LRRTM4: variants seen among roughly 807,000 people sequenced by gnomAD.
The protein encoded by LRRTM4 is leucine-rich repeat transmembrane neuronal protein 4.
LRRTM4 carries 25 observed loss-of-function variants against 47.6 expected under a neutral mutation model. The ratio of observed to expected loss-of-function variants is 0.53; its 90% CI spans 0.38 to 0.73. The LOEUF is 0.73. Ranked by LOEUF, LRRTM4 falls within the 30% of genes least tolerant of loss-of-function variation. The pLI, the probability that LRRTM4 is intolerant of heterozygous loss-of-function variation, is 0.00. For synonymous variants in LRRTM4, 311 were observed against 269.5 expected (o/e 1.15, Z -1.51); for missense variants, 638 against 713.4 (o/e 0.89, Z 1.20).
At chr2:77,197,206 GTTAA>G (rs1673853644) in intron 3 of LRRTM4, among the ~76,000 whole-genome samples, 1 of 152,030 alleles carries the variant, frequency 6.6e-6, no homozygotes, top group African/African-American at 2.4e-5. Context: ...TCATAAACTA[GTTAA>G]TTAAATGTAC....
At chr2:77,399,398 A>T (rs1274294687) in intron 3 of LRRTM4, among the ~76,000 whole-genome samples, 7 of 151,812 alleles carry the variant, frequency 4.6e-5, no homozygotes, top group Non-Finnish European at 7.4e-5. Flanking sequence ...ATACTACATG[A>T]TCTCACTTGT....
intron 3 of LRRTM4, among the ~76,000 whole-genome samples, chr2:77,150,315 A>G (rs773596082): frequency 5.9e-5 from 9 of 152,200 alleles, no homozygotes; most frequent in Non-Finnish European, 1.0e-4. Flanking sequence ...AGAAAATTCT[A>G]TACTGTTTTA....
At chr2:77,403,182 A>G (rs925407888) in intron 3 of LRRTM4, among the ~76,000 whole-genome samples, 8 of 151,936 alleles carry the variant, frequency 5.3e-5, no homozygotes, top group Non-Finnish European at 8.8e-5. Flanking sequence ...TCTGACTGGG[A>G]AAAAAACTCT....
chr2:77,351,432 C>T (rs949031107), intron 3 of LRRTM4, among the ~76,000 whole-genome samples: 1 of 151,782 alleles, frequency 6.6e-6, no homozygotes, highest in African/African-American at 2.4e-5. Context: ...TGGTGAAAGA[C>T]TTGAAACAAA....
chr2:77,519,648 T>C lies in LRRTM4; in HGVS notation c.221A>G (p.Gln74Arg). 1 of 1,613,484 alleles carries C rather than the reference T, an allele frequency of 6.2e-7. No homozygotes were observed. The highest frequency in any genetic ancestry group is 2.2e-5 in the East Asian group (1 of 44,846). ...QGLSLRFNSI[Q>R]KLKSNQFAGL... The stretch of plus-strand genomic sequence containing the variant: ...GGCAAACTGATTGGATTTGAGCTTC[T>C]GAATGCTGTTGAACCTTAATGATAA... The change falls in exon 3 of 4, where the codon CAG becomes CGG. Residue 74 changes from glutamine (Q) to arginine (R), a missense_variant. Coordinates refer to ENST00000409884, the MANE Select transcript of LRRTM4 (RefSeq NM_001134745.3). The surrounding 1 kb of genome is among the most constrained non-coding windows in gnomAD (Gnocchi z 4.6).
At chr2:77,059,526 T>C (rs187464901) in intron 3 of LRRTM4, among the ~76,000 whole-genome samples, 4 of 152,320 alleles carry the variant, frequency 2.6e-5, no homozygotes, top group Admixed American at 2.6e-4. Flanking sequence ...ACACATTCCA[T>C]GTGCCTGACC....
chr2:76,863,627 C>T (rs1167524727), intron 3 of LRRTM4, among the ~76,000 whole-genome samples: 1 of 152,128 alleles, frequency 6.6e-6, no homozygotes, highest in Non-Finnish European at 1.5e-5. Context: ...ATTTATTTAT[C>T]TTTTATTCTC....
chr2:77,252,171 T>C (rs1299517480), intron 3 of LRRTM4, among the ~76,000 whole-genome samples: 1 of 152,082 alleles, frequency 6.6e-6, no homozygotes, highest in Non-Finnish European at 1.5e-5. Flanking sequence ...CTTTAGAATA[T>C]CTAAGACCTG....
At chr2:76,940,328 CA>C (rs1675092555) in intron 3 of LRRTM4, among the ~76,000 whole-genome samples, 1 of 152,102 alleles carries the variant, frequency 6.6e-6, no homozygotes, top group African/African-American at 2.4e-5. Flanking sequence ...GAGATCATGT[CA>C]TTTGCAGGAA....
At chr2:77,300,022 T>C (rs1177714480) in intron 3 of LRRTM4, among the ~76,000 whole-genome samples, 1 of 151,912 alleles carries the variant, frequency 6.6e-6, no homozygotes, top group Non-Finnish European at 1.5e-5. Context: ...CAGCTAATTT[T>C]TGTATTTTTA....
chr2:77,083,830 A>T (rs1680617147), intron 3 of LRRTM4, among the ~76,000 whole-genome samples: 1 of 72,366 alleles, frequency 1.4e-5, no homozygotes. Flanking sequence ...TTTCAGACGG[A>T]GTCTCGCTCT....
chr2:77,090,239 G>T (rs916229729), intron 3 of LRRTM4, among the ~76,000 whole-genome samples: 8 of 152,162 alleles, frequency 5.3e-5, no homozygotes, highest in Non-Finnish European at 7.3e-5. Context: ...TAAAGGCATA[G>T]TCAAGGTTAA....
At chr2:77,172,606 A>T (rs1030957) in intron 3 of LRRTM4, among the ~76,000 whole-genome samples, 70,951 of 151,536 alleles carry the variant, frequency 0.47, 18,382 homozygotes, top group Admixed American at 0.58. Flanking sequence ...AACATAAAAA[A>T]AAAAATAAAA....
At chr2:76,851,755 G>GTTTTTTTTTTTTTTTTTTTTTTT (rs34184474) in intron 3 of LRRTM4, among the ~76,000 whole-genome samples, 1 of 117,744 alleles carries the variant, frequency 8.5e-6, no homozygotes, top group South Asian at 3.1e-4. Context: ...ACTTTTATTC[G>GTTTTTTTTTTTTTTTTTTTTTTT]TTTTTTTTTT....
chr2:76,925,962 G>T (rs1674577241), intron 3 of LRRTM4, among the ~76,000 whole-genome samples: 2 of 152,120 alleles, frequency 1.3e-5, no homozygotes, highest in Non-Finnish European at 2.9e-5. Flanking sequence ...TCTTTTAAAA[G>T]TAATATTCAG....
At chr2:77,183,557 G>T (rs1322245397) in intron 3 of LRRTM4, among the ~76,000 whole-genome samples, 3 of 152,064 alleles carry the variant, frequency 2.0e-5, no homozygotes, top group Admixed American at 6.6e-5. Context: ...GAATTACCAT[G>T]TGACCCAGCC....
intron 3 of LRRTM4, among the ~76,000 whole-genome samples, chr2:77,455,787 C>A (rs1676512709): frequency 6.6e-6 from 1 of 152,080 alleles, no homozygotes; most frequent in Non-Finnish European, 1.5e-5. Flanking sequence ...CTTCTACATG[C>A]ATAGATGTAT....
intron 3 of LRRTM4, among the ~76,000 whole-genome samples, chr2:77,054,594 C>A (rs1274598794): frequency 6.6e-6 from 1 of 152,138 alleles, no homozygotes; most frequent in Non-Finnish European, 1.5e-5. Context: ...GAAAAATTCC[C>A]AAACTAGATT....
chr2:76,962,190 C>T (rs1169689566), intron 3 of LRRTM4, among the ~76,000 whole-genome samples: 2 of 151,224 alleles, frequency 1.3e-5, no homozygotes, highest in Admixed American at 1.3e-4. Flanking sequence ...AACATCACTA[C>T]AAATAACTAC....
Sources: gnomAD v4.1 joint callset for allele counts (sites outside exome capture counted in the v4.1 genomes callset) on GRCh38, gnomAD v4.1.1 for gene constraint, Gnocchi (gnomAD v3.1) non-coding constraint, MANE v1.5 for transcripts, NCBI Gene and HGNC (gene_info 2026-07-23, HGNC 2026-07-21) for gene names.